PLCB1: variants seen among roughly 807,000 people sequenced by gnomAD.
PLCB1 encodes the protein phospholipase C beta 1.
In PLCB1, 46 loss-of-function variants were observed where a neutral mutation model predicts 161.8. That is an observed-to-expected ratio of 0.28 (90% CI 0.22 to 0.36). PLCB1 has a LOEUF of 0.36. PLCB1 is among the 10% of genes least tolerant of loss of function. The probability of loss-of-function intolerance (pLI) is 1.00; values close to 1 mark genes in which losing one functional copy is unlikely to be tolerated. For synonymous variants in PLCB1, 517 were observed against 503.7 expected, an observed-to-expected ratio of 1.03 and a Z score of -0.35; for missense variants, 1,016 against 1,472.5, an observed-to-expected ratio of 0.69 and a Z score of 5.07.
chr20:8,734,017 A>C (rs921830158), intron 19 of PLCB1, among the ~76,000 whole-genome samples: 2 of 149,224 alleles, frequency 1.3e-5, no homozygotes, highest in African/African-American at 4.9e-5. Flanking sequence ...AGTGCCAGCT[A>C]CTCAAGAGGC....
At chr20:8,201,559 A>T (rs1427801182) in intron 2 of PLCB1, among the ~76,000 whole-genome samples, 1 of 152,164 alleles carries the variant, frequency 6.6e-6, no homozygotes, top group African/African-American at 2.4e-5. Flanking sequence ...ATGATTTGGT[A>T]CTTAATGCAA....
At chr20:8,352,259 T>C (rs1028417464) in intron 2 of PLCB1, among the ~76,000 whole-genome samples, 1 of 152,104 alleles carries the variant, frequency 6.6e-6, no homozygotes, top group African/African-American at 2.4e-5. Context: ...ATAATTCCAT[T>C]TATATAATAT....
At chr20:8,334,195 G>A in intron 2 of PLCB1, among the ~76,000 whole-genome samples, 1 of 151,148 alleles carries the variant, frequency 6.6e-6, no homozygotes, top group Non-Finnish European at 1.5e-5. Flanking sequence ...GGCAACAGGA[G>A]TGAAACTCCA....
intron 3 of PLCB1, among the ~76,000 whole-genome samples, chr20:8,500,343 T>A (rs1983354627): frequency 2.6e-5 from 4 of 152,212 alleles, no homozygotes; most frequent in Admixed American, 2.6e-4. Context: ...TACATTTACA[T>A]TCGGATTCTA....
intron 2 of PLCB1, among the ~76,000 whole-genome samples, chr20:8,294,611 G>A (rs1248579748): frequency 6.6e-6 from 1 of 150,474 alleles, no homozygotes; most frequent in East Asian, 2.0e-4. Context: ...AGATGACCCT[G>A]GACTAATCTT....
At chr20:8,628,072 G>T (rs986486745) in intron 3 of PLCB1, among the ~76,000 whole-genome samples, 1 of 152,162 alleles carries the variant, frequency 6.6e-6, no homozygotes, top group Admixed American at 6.5e-5. Context: ...TTAACTGCAG[G>T]CTATAGTCTT....
chr20:8,364,130 T>G (rs1986630078), intron 2 of PLCB1, among the ~76,000 whole-genome samples: 1 of 152,176 alleles, frequency 6.6e-6, no homozygotes, highest in Admixed American at 6.6e-5. Flanking sequence ...TTGTCTGGGT[T>G]TTTTTGGTTC....
chr20:8,771,170 A>G (rs751131102), intron 26 of PLCB1, among the ~76,000 whole-genome samples: 28 of 152,218 alleles, frequency 1.8e-4, no homozygotes, highest in Non-Finnish European at 3.4e-4. Context: ...TACACACCAG[A>G]TATCTAAGAC....
chr20:8,757,520 T>C (rs1981799009), intron 24 of PLCB1, among the ~76,000 whole-genome samples: 1 of 152,186 alleles, frequency 6.6e-6, no homozygotes. Flanking sequence ...GCATTCTTAG[T>C]CTTGCTTCAT....
chr20:8,566,783 G>C (rs1239110557), intron 3 of PLCB1, among the ~76,000 whole-genome samples: 1 of 150,096 alleles, frequency 6.7e-6, no homozygotes, highest in Non-Finnish European at 1.5e-5. Context: ...CTTAGCTTGA[G>C]CTATCTTGAG....
rs1600186743 is a variant in PLCB1 at position 8,132,498 on chromosome 20, T to A, written c.-154T>A. The A allele has an allele frequency of 2.6e-6, 1 of 386,270 alleles. No homozygotes were observed. The highest frequency in any genetic ancestry group is 4.2e-5 in the East Asian group (1 of 23,868). The allele number at this position is 386,270 out of a possible 1,614,324, so 23.9% of individuals were successfully genotyped here. ...CCTGCTGAGCGGCGCCGGAGGGAGG[T>A]GCGGAGGCCGGGAGGCCGGGGAGGC... On this transcript the variant is annotated 5_prime_UTR_variant, in exon 1 of 32. Transcript: ENST00000338037. This position sits in a 1 kb window ranked among gnomAD's most constrained non-coding sequence, Gnocchi z 5.2.
intron 11 of PLCB1, among the ~76,000 whole-genome samples, chr20:8,702,170 A>G (rs954340225): frequency 3.3e-5 from 5 of 152,188 alleles, no homozygotes; most frequent in African/African-American, 4.8e-5. Flanking sequence ...CAGCTCCTTT[A>G]TGAAGGGCTT....
intron 4 of PLCB1, among the ~76,000 whole-genome samples, chr20:8,644,922 G>T (rs947998447): frequency 2.8e-4 from 42 of 152,294 alleles, no homozygotes; most frequent in Non-Finnish European, 3.1e-4. Flanking sequence ...GAAATCAGAT[G>T]GTTGCCCTGT....
chr20:8,561,121 G>T (rs1416237301), intron 3 of PLCB1, among the ~76,000 whole-genome samples: 2 of 151,772 alleles, frequency 1.3e-5, no homozygotes, highest in African/African-American at 4.8e-5. Flanking sequence ...GACTTGGCAG[G>T]GACTGTTCCA....
At chr20:8,821,193 A>G (rs1476551776) in intron 31 of PLCB1, among the ~76,000 whole-genome samples, 2 of 151,986 alleles carry the variant, frequency 1.3e-5, no homozygotes, top group African/African-American at 2.4e-5. Flanking sequence ...TAAAAAATAT[A>G]TTTAAGGCCG....
chr20:8,428,345 C>T (rs141207137), intron 3 of PLCB1, among the ~76,000 whole-genome samples: 8,147 of 152,080 alleles, frequency 0.054, 257 homozygotes, highest in Middle Eastern at 0.099. Context: ...CTCAGCCTCT[C>T]GAGTAGCTGG....
chr20:8,840,350 C>T (rs574044919), intron 31 of PLCB1, among the ~76,000 whole-genome samples: 19 of 152,214 alleles, frequency 1.2e-4, no homozygotes, highest in African/African-American at 4.3e-4. Flanking sequence ...GCAATATAGC[C>T]AAGTGGAATG....
At chr20:8,232,014 C>A (rs533554345) in intron 2 of PLCB1, among the ~76,000 whole-genome samples, 1 of 152,224 alleles carries the variant, frequency 6.6e-6, no homozygotes, top group Non-Finnish European at 1.5e-5. Flanking sequence ...CAGCTGTCAA[C>A]ACATGGTTTC....
chr20:8,686,603 A>G, intron 10 of PLCB1, among the ~76,000 whole-genome samples: 1 of 152,198 alleles, frequency 6.6e-6, no homozygotes, highest in Non-Finnish European at 1.5e-5. Flanking sequence ...TTCAGAGTAT[A>G]TTAATTTTTC....
Sources: gnomAD v4.1 joint callset for allele counts (sites outside exome capture counted in the v4.1 genomes callset) on GRCh38, gnomAD v4.1.1 for gene constraint, Gnocchi (gnomAD v3.1) non-coding constraint, MANE v1.5 for transcripts, NCBI Gene and HGNC (gene_info 2026-07-23, HGNC 2026-07-21) for gene names.